The following CNOT2 variants were observed in gnomAD, a reference collection of about 807,000 sequenced individuals.
CNOT2 encodes CC chemokine receptor 4-negative regulator of transcription 2.
Under a neutral mutation model 72.1 loss-of-function variants are expected in CNOT2, and 7 were observed. The observed-to-expected ratio is 0.10, with a 90% CI of 0.06 to 0.18. The LOEUF is 0.18. Among genes scored for constraint, CNOT2 ranks in the 10% least tolerant of loss-of-function variants. The pLI, the probability that CNOT2 is intolerant of heterozygous loss-of-function variation, is 1.00. For synonymous variants in CNOT2, 196 were observed against 225.6 expected (o/e 0.87, Z 1.17); for missense variants, 345 against 660.3 (o/e 0.52, Z 5.23).
At chr12:70,247,881 G>A (rs1327605287) in intron 1 of CNOT2, among the ~76,000 whole-genome samples, 1 of 152,190 alleles carries the variant, frequency 6.6e-6, no homozygotes, top group Non-Finnish European at 1.5e-5. Flanking sequence ...GTGGTGGGGA[G>A]AATAGCTTCC....
Position 70,310,980 on chromosome 12 carries a change from G to A in CNOT2, c.134G>A (p.Ser45Asn), listed in dbSNP as rs1876358119. The change falls in exon 3 of 16, where the codon AGC becomes AAC. Residue 45 changes from serine to asparagine, a missense_variant. Physicochemically the swap from Ser to Asn is conservative, Grantham distance 46 (BLOSUM62 1). Transcript: ENST00000229195. ...TACCATGACGAAAACATGTACTACA[G>A]CCAGTCTTCTATGTTTCCACATCGG... ...SDYHDENMYY[S>N]QSSMFPHRSE... is the part of the protein sequence containing the mutation. The A allele has an allele frequency of 1.2e-6, 2 of 1,600,638 alleles. No individual in the cohort carries two copies. Among genetic ancestry groups the A allele is most frequent in the East Asian group, 2.2e-5 (1 of 44,788 alleles).
intron 2 of CNOT2, among the ~76,000 whole-genome samples, chr12:70,306,437 A>G (rs1350173159): frequency 2.0e-5 from 3 of 152,192 alleles, no homozygotes; most frequent in Non-Finnish European, 4.4e-5. Context: ...CATTGTAGGC[A>G]TGAGCCACCA....
At chr12:70,326,946 C>T (rs866431535) in intron 4 of CNOT2, among the ~76,000 whole-genome samples, 1 of 151,804 alleles carries the variant, frequency 6.6e-6, no homozygotes, top group Non-Finnish European at 1.5e-5. Context: ...GATGCCAATC[C>T]CTAATTGGCC....
At chr12:70,278,308 G>T in intron 2 of CNOT2, 34 bp downstream of exon 2, 1 of 1,447,618 alleles carries the variant, frequency 6.9e-7, no homozygotes. Flanking sequence ...TTCTCTATTG[G>T]TCTTATAGCT....
chr12:70,261,188 T>C (rs1958733888), intron 1 of CNOT2, among the ~76,000 whole-genome samples: 1 of 152,066 alleles, frequency 6.6e-6, no homozygotes, highest in African/African-American at 2.4e-5. Flanking sequence ...TTTTATGATG[T>C]TGAACAGTTC....
At chr12:70,325,155 C>CTACTTAAAAATAAATA (rs1878891891) in intron 4 of CNOT2, among the ~76,000 whole-genome samples, 1 of 151,504 alleles carries the variant, frequency 6.6e-6, no homozygotes, top group Non-Finnish European at 1.5e-5. Context: ...TAGTAAAGGA[C>CTACTTAAAAATAAATA]AGATTTGAGG....
At chr12:70,249,614 C>T (rs574157743) in intron 1 of CNOT2, among the ~76,000 whole-genome samples, 276 of 152,066 alleles carry the variant, frequency 1.8e-3, no homozygotes, top group Non-Finnish European at 3.1e-3. Context: ...TGCATCTGAT[C>T]ATCTTGCAGA....
chr12:70,289,584 C>G (rs1213185992), intron 2 of CNOT2, among the ~76,000 whole-genome samples: 1 of 152,058 alleles, frequency 6.6e-6, no homozygotes, highest in Non-Finnish European at 1.5e-5. Flanking sequence ...ACCTAATTGC[C>G]TGGAGTTGTC....
At chr12:70,269,286 T>TA (rs559012894) in intron 1 of CNOT2, among the ~76,000 whole-genome samples, 1 of 150,062 alleles carries the variant, frequency 6.7e-6, no homozygotes, top group South Asian at 2.1e-4. Flanking sequence ...TTTTTTTTTT[T>TA]AAGCTTTTTT....
At chr12:70,340,183 T>A (rs1398142139) in intron 11 of CNOT2, among the ~76,000 whole-genome samples, 1 of 152,186 alleles carries the variant, frequency 6.6e-6, no homozygotes, top group African/African-American at 2.4e-5. Flanking sequence ...TAAAGCTGCT[T>A]TTATCAAGGT....
chr12:70,337,312 G>A, intron 8 of CNOT2, 77 bp from the exon 9 acceptor site: 1 of 1,271,212 alleles, frequency 7.9e-7, no homozygotes, highest in Non-Finnish European at 1.1e-6. Flanking sequence ...ATTATCATGA[G>A]GAAAGTTAAC....
At position 70,354,176 on chromosome 12, in the gene CNOT2, C is replaced by T. The variant is rs547560128; in HGVS notation, c.*261C>T. ...TTTTTTCATTTATTTCCTTTTTTGC[C>T]AGCAGACAGACTTGAGTCTGTAAAG... On this transcript the variant is annotated 3_prime_UTR_variant, in exon 16 of 16. Transcript: ENST00000229195. The T allele has an allele frequency of 5.9e-6, 3 of 509,280 alleles. No individual in the cohort carries two copies. Among genetic ancestry groups the T allele is most frequent in the Admixed American group, 8.2e-5 (2 of 24,360 alleles). The allele number at this position is 509,280 out of a possible 1,614,324, so 31.5% of individuals were successfully genotyped here. A position where few individuals can be genotyped will look rare whatever the true frequency, so the allele number is the denominator to read the frequency against.
At position 70,338,706 on chromosome 12, in the gene CNOT2, A is replaced by G; in HGVS notation, c.1062A>G (p.Gln354=). The part of the protein sequence containing the change: ...TNIPQGMVTD[Q]FGMIGLLTFI... ...TTCCTCAAGGGATGGTGACGGACCAATTTGGAATGATTGGCCTGTTAACAT... is the reference window on the plus strand; with the variant it reads ...TTCCTCAAGGGATGGTGACGGACCAGTTTGGAATGATTGGCCTGTTAACAT... Residue 354 remains glutamine, a synonymous_variant, in exon 11 of 16, where the codon CAA becomes CAG. Coordinates refer to ENST00000229195, the MANE Select transcript of CNOT2 (RefSeq NM_014515.7). 5 of 1,613,532 alleles carry G rather than the reference A, an allele frequency of 3.1e-6. No homozygotes were observed. Among genetic ancestry groups the G allele is most frequent in the Non-Finnish European group, 4.2e-6 (5 of 1,179,598 alleles).
At chr12:70,350,984 A>T (rs566950830) in intron 15 of CNOT2, among the ~76,000 whole-genome samples, 1 of 152,284 alleles carries the variant, frequency 6.6e-6, no homozygotes, top group East Asian at 1.9e-4. Context: ...GTTTTGCTTG[A>T]ATTGAACAAG....
At chr12:70,301,663 G>T (rs1874004447) in intron 2 of CNOT2, 1 of 152,214 alleles carries the variant, frequency 6.6e-6, no homozygotes, top group Admixed American at 6.5e-5. Flanking sequence ...TGTTTATCAA[G>T]GATATTGGTC....
In CNOT2 at chr12:70,343,461, A is replaced by G. The variant is rs552383310; in HGVS notation, c.1291-667A>G. 8.5e-5 allele frequency among the ~76,000 whole-genome samples: 13 copies of G among 152,346 alleles called. No individual in the cohort carries two copies. The East Asian group carries it at 1.3e-3, about 16-fold the overall frequency. ...ACCTTGGGGAGAGAAATGTAAAGCA[A>G]TCATCTTTCAGACATCTATTTAAAC... On this transcript the variant is annotated intron_variant, in intron 13 of 15. Coordinates refer to ENST00000229195, the MANE Select transcript of CNOT2 (RefSeq NM_014515.7).
intron 5 of CNOT2, among the ~76,000 whole-genome samples, chr12:70,329,833 C>T (rs1053235325): frequency 1.3e-5 from 2 of 151,920 alleles, no homozygotes; most frequent in African/African-American, 4.8e-5. Context: ...TCAAAAGGCA[C>T]CTGTCTTCCT....
chr12:70,305,873 G>GTTTTTTTTTTTTTTTTTTT (rs11412509), intron 2 of CNOT2, among the ~76,000 whole-genome samples: 1 of 60,106 alleles, frequency 1.7e-5, no homozygotes, highest in Non-Finnish European at 3.0e-5. Flanking sequence ...TCTGAAGTTT[G>GTTTTTTTTTTTTTTTTTTT]TTTTTTTTTT....
intron 15 of CNOT2, among the ~76,000 whole-genome samples, chr12:70,352,721 G>A (rs1883020440): frequency 6.6e-6 from 1 of 152,124 alleles, no homozygotes; most frequent in Non-Finnish European, 1.5e-5. Context: ...AGAGCCTCTT[G>A]CTTATTGGGG....
Sources: gnomAD v4.1 joint callset for allele counts (sites outside exome capture counted in the v4.1 genomes callset) on GRCh38, gnomAD v4.1.1 for gene constraint, MANE v1.5 for transcripts, NCBI Gene and HGNC (gene_info 2026-07-23, HGNC 2026-07-21) for gene names.